The following EYS variants were observed in gnomAD, a reference collection of about 807,000 sequenced individuals.
The protein encoded by EYS is EGF-like photoreceptor maintenance factor.
EYS carries 250 observed loss-of-function variants against 282.1 expected under a neutral mutation model. The ratio of observed to expected loss-of-function variants is 0.89; its 90% CI spans 0.80 to 0.98. The LOEUF is 0.98. Ranked by LOEUF, EYS falls within the 50% of genes least tolerant of loss-of-function variation. EYS has a pLI of 0.00. For missense variants in EYS, 4,016 were observed against 3,709.0 expected (o/e 1.08, Z -2.15); for synonymous variants, 1,355 against 1,282.9 (o/e 1.06, Z -1.20).
intron 22 of EYS, among the ~76,000 whole-genome samples, chr6:64,627,032 A>G (rs1192050015): frequency 6.6e-6 from 1 of 152,202 alleles, no homozygotes; most frequent in Non-Finnish European, 1.5e-5. Flanking sequence ...ACGCTTTAAT[A>G]AAAACCATTT....
At chr6:64,998,776 G>A (rs1771360509) in intron 13 of EYS, among the ~76,000 whole-genome samples, 1 of 152,104 alleles carries the variant, frequency 6.6e-6, no homozygotes, top group Non-Finnish European at 1.5e-5. Flanking sequence ...GTTACACATG[G>A]TATTTTTTAT....
At chr6:65,199,225 A>C (rs985339182) in intron 12 of EYS, among the ~76,000 whole-genome samples, 1 of 152,112 alleles carries the variant, frequency 6.6e-6, no homozygotes, top group Non-Finnish European at 1.5e-5. Context: ...ATATAATATA[A>C]ATATTTGTGT....
At chr6:64,382,878 TG>T (rs1319391744) in intron 29 of EYS, among the ~76,000 whole-genome samples, 1 of 151,500 alleles carries the variant, frequency 6.6e-6, no homozygotes, top group Non-Finnish European at 1.5e-5. Context: ...GGAAGAGTGG[TG>T]GGTGGGAAAA....
chr6:63,895,219 A>G (rs1324061137), intron 35 of EYS, among the ~76,000 whole-genome samples: 1 of 129,854 alleles, frequency 7.7e-6, no homozygotes, highest in Non-Finnish European at 1.6e-5. Flanking sequence ...TTTAGATAGC[A>G]TCTTTTCCCA....
chr6:65,638,198 G>A (rs1349518482), intron 2 of EYS, among the ~76,000 whole-genome samples: 1 of 152,160 alleles, frequency 6.6e-6, no homozygotes, highest in Admixed American at 6.5e-5. Context: ...CAGGTCTCCT[G>A]GAGTGATAAG....
chr6:63,946,244 T>C (rs1288293003), intron 35 of EYS, among the ~76,000 whole-genome samples: 1 of 152,226 alleles, frequency 6.6e-6, no homozygotes, highest in Non-Finnish European at 1.5e-5. Context: ...CTTAGGACTT[T>C]TCACTGTATT....
chr6:64,346,737 AT>A (rs1771417341), intron 29 of EYS, among the ~76,000 whole-genome samples: 1 of 151,274 alleles, frequency 6.6e-6, no homozygotes, highest in African/African-American at 2.4e-5. Flanking sequence ...ACAAAAAAAC[AT>A]TTTCAGTCAA....
In EYS at chr6:64,067,202, C is replaced by T. The variant is rs550663485; in HGVS notation, c.6572-711G>A. ...TTTGCTTAAAATTTGGACATCTGTC[C>T]CTGGAAGCCCATGGATCTCTCTTTT... On this transcript the variant is annotated intron_variant, in intron 32 of 42. Coordinates refer to ENST00000503581, the MANE Select transcript of EYS (RefSeq NM_001142800.2). Among the ~76,000 whole-genome samples the T allele has an allele frequency of 2.6e-5, 4 of 152,054 alleles. No individual in the cohort carries two copies. The East Asian group carries it at 7.7e-4, about 29-fold the overall frequency.
chr6:65,258,145 T>C (rs983389711), intron 12 of EYS, among the ~76,000 whole-genome samples: 2 of 151,940 alleles, frequency 1.3e-5, no homozygotes, highest in African/African-American at 4.8e-5. Context: ...CCATAAAAAT[T>C]TAAATAAAGT....
At chr6:64,542,632 T>C (rs1455765521) in intron 26 of EYS, among the ~76,000 whole-genome samples, 1 of 152,034 alleles carries the variant, frequency 6.6e-6, no homozygotes, top group African/African-American at 2.4e-5. Flanking sequence ...CAATGCTCAA[T>C]TTTACATTTA....
intron 22 of EYS, among the ~76,000 whole-genome samples, chr6:64,783,180 C>G (rs1583153727): frequency 6.6e-6 from 1 of 151,998 alleles, no homozygotes; most frequent in East Asian, 1.9e-4. Context: ...CCTAGTAACC[C>G]TTATTTTACT....
intron 39 of EYS, among the ~76,000 whole-genome samples, chr6:63,785,595 C>A (rs1424596229): frequency 6.6e-6 from 1 of 152,026 alleles, no homozygotes; most frequent in African/African-American, 2.4e-5. Context: ...CATTAAAGGT[C>A]ATAGAAAAAA....
At chr6:65,410,598 C>CTT (rs375882636) in intron 5 of EYS, among the ~76,000 whole-genome samples, 7,660 of 133,408 alleles carry the variant, frequency 0.057, 284 homozygotes, top group African/African-American at 0.099. Context: ...ATGATACTAG[C>CTT]TTTTTTTTTT....
intron 5 of EYS, among the ~76,000 whole-genome samples, chr6:65,488,262 T>A (rs992596716): frequency 6.6e-6 from 1 of 152,204 alleles, no homozygotes; most frequent in Non-Finnish European, 1.5e-5. Flanking sequence ...TTAATTGTGA[T>A]GTTAGGATGT....
rs935171621 is a variant in EYS, at chr6:65,088,572, A to T, written c.2024-30845T>A. On this transcript the variant is annotated intron_variant, in intron 12 of 42. Transcript: ENST00000503581. ...CTGGCAGAAGAAATTTCTAAGCAGC[A>T]AAGCATTCAAGAGGAAGCGGGGCAT... 5.9e-5 allele frequency among the ~76,000 whole-genome samples: 9 copies of T among 152,168 alleles called. 1 individual carries two copies. Among genetic ancestry groups the T allele is most frequent in the African/African-American group, 2.2e-4 (9 of 41,456 alleles).
At chr6:64,391,824 G>T (rs1282155311) in intron 28 of EYS, among the ~76,000 whole-genome samples, 2 of 152,146 alleles carry the variant, frequency 1.3e-5, no homozygotes, top group African/African-American at 2.4e-5. Context: ...AAAAGACAAA[G>T]ACTGGCAAAT....
intron 12 of EYS, among the ~76,000 whole-genome samples, chr6:65,125,679 T>A (rs1775698438): frequency 6.6e-6 from 1 of 152,082 alleles, no homozygotes; most frequent in African/African-American, 2.4e-5. Context: ...CTCCCTCACA[T>A]CTATAAAAAG....
chr6:65,494,611 A>G lies in EYS; in HGVS notation c.748+52T>C, dbSNP rs141159211. The G allele has an allele frequency of 0.02, 29,589 of 1,446,950 alleles. 372 individuals carry two copies. The highest frequency in any genetic ancestry group is 0.04 in the Middle Eastern group (162 of 4,086). 89.6% of individuals were successfully genotyped at this position (1,446,950 alleles called of 1,614,324 possible). ...TTTGATTTCTGTTAACAGTTTATAA[A>G]TGCACTGTGTTTCTCTATTTTAATA... is the stretch of plus-strand genomic sequence containing the variant. On this transcript the variant is annotated intron_variant, in intron 4 of 42. Coordinates refer to ENST00000503581, the MANE Select transcript of EYS (RefSeq NM_001142800.2).
At chr6:64,253,039 G>A (rs1767275408) in intron 30 of EYS, among the ~76,000 whole-genome samples, 1 of 152,226 alleles carries the variant, frequency 6.6e-6, no homozygotes, top group Non-Finnish European at 1.5e-5. Context: ...ATGTTGAGAA[G>A]TTTGGACCTT....
Sources: allele counts gnomAD v4.1 joint callset (sites outside exome capture counted in the v4.1 genomes callset), GRCh38; gene constraint gnomAD v4.1.1; transcripts MANE v1.5; gene names NCBI Gene and HGNC (gene_info 2026-07-23, HGNC 2026-07-21).